C10orf71: variants seen among roughly 807,000 people sequenced by gnomAD.
The protein encoded by C10orf71 is cardiac-enriched FHL2-interacting protein.
For synonymous variants in C10orf71, 758 were observed against 726.3 expected, an observed-to-expected ratio of 1.04 and a Z score of -0.70; for missense variants, 1,869 against 1,804.5, an observed-to-expected ratio of 1.04 and a Z score of -0.65.
At position 49,322,543 on chromosome 10, in the gene C10orf71, C is replaced by A. The variant is rs1290732433; in HGVS notation, c.-3C>A. On this transcript the variant is annotated 5_prime_UTR_variant, in exon 3 of 3. Coordinates refer to ENST00000374144, the MANE Select transcript of C10orf71 (RefSeq NM_001135196.2). Reference sequence around the variant, plus strand: ...ACAAGGACAGCTTTCTTGGAGCCAACAGATGATGCAAGGAAATAAGAAGTG... The same window carrying A: ...ACAAGGACAGCTTTCTTGGAGCCAAAAGATGATGCAAGGAAATAAGAAGTG... 6.3e-7 allele frequency: 1 copy of A among 1,596,362 alleles called. No individual in the cohort carries two copies. Among genetic ancestry groups the A allele is most frequent in the Non-Finnish European group, 8.6e-7 (1 of 1,168,384 alleles).
intron 1 of C10orf71, among the ~76,000 whole-genome samples, chr10:49,311,831 G>A (rs1223930984): frequency 6.6e-6 from 1 of 152,156 alleles, no homozygotes; most frequent in African/African-American, 2.4e-5. Context: ...GAGGGTGTGG[G>A]AGCAGGCAGA....
Position 49,327,163 on chromosome 10 carries a change from C to T in C10orf71, c.*310C>T. On this transcript the variant is annotated 3_prime_UTR_variant, in exon 3 of 3. Coordinates refer to ENST00000374144, the MANE Select transcript of C10orf71 (RefSeq NM_001135196.2). The stretch of plus-strand genomic sequence containing the variant: ...CTCCCTCCCTTCCTCCCTCTCCTGG[C>T]CCACCCTGCTCTTCCCTCGCCCTGC... 1.2e-6 allele frequency: 1 copy of T among 803,636 alleles called. No individual in the cohort carries two copies. Among genetic ancestry groups the T allele is most frequent in the Non-Finnish European group, 1.8e-6 (1 of 558,922 alleles). The allele number at this position is 803,636 out of a possible 1,614,324, so 49.8% of individuals were successfully genotyped here. A position where few individuals can be genotyped will look rare whatever the true frequency, so the allele number is the denominator to read the frequency against.
At chr10:49,302,591 G>A (rs185266083) in intron 1 of C10orf71, among the ~76,000 whole-genome samples, 11 of 152,348 alleles carry the variant, frequency 7.2e-5, no homozygotes, top group Admixed American at 7.2e-4. Context: ...AAGAGGTTAA[G>A]TAACTTGCCC....
chr10:49,325,730 C>G lies in C10orf71; in HGVS notation c.3185C>G (p.Pro1062Arg), dbSNP rs779213214. 77 of 1,551,532 alleles carry G rather than the reference C, an allele frequency of 5.0e-5. No individual in the cohort carries two copies. Among genetic ancestry groups the G allele is most frequent in the Middle Eastern group, 1.7e-4 (1 of 5,992 alleles). The part of the protein sequence containing the change: ...ERANSPNPGS[P>R]GESSACSPAA... Reference sequence around the variant, plus strand: ...GCGAATTCCCCCAACCCCGGCTCCCCCGGGGAGAGCAGTGCCTGCTCCCCT... The same window carrying G: ...GCGAATTCCCCCAACCCCGGCTCCCGCGGGGAGAGCAGTGCCTGCTCCCCT... Residue 1062 changes from proline (P) to arginine (R), a missense_variant, in exon 3 of 3, where the codon CCC becomes CGC. Transcript: ENST00000374144.
At position 49,326,524 on chromosome 10, in the gene C10orf71, G is replaced by A. The variant is rs1423128225; in HGVS notation, c.3979G>A (p.Ala1327Thr). Residue 1327 changes from alanine (A) to threonine (T), a missense_variant, in exon 3 of 3, where the codon GCC (alanine) becomes ACC (threonine). Transcript: ENST00000374144. ...CTCCCCAGAGCCGCCCCCACCGGAC[G>A]CCCTGGCCGCTCCCTATGTGCTGTA... ...GASPEPPPPD[A>T]LAAPYVLYPG... 7 of 1,550,332 alleles carry A rather than the reference G, an allele frequency of 4.5e-6. No individual in the cohort carries two copies. Among genetic ancestry groups the A allele is most frequent in the Middle Eastern group, 1.7e-4 (1 of 5,974 alleles).
At chr10:49,319,707 T>C (rs1407580495) in intron 2 of C10orf71, among the ~76,000 whole-genome samples, 1 of 26,814 alleles carries the variant, frequency 3.7e-5, no homozygotes, top group South Asian at 1.3e-3. Flanking sequence ...TATATATATA[T>C]ATATATATAT....
Position 49,324,862 on chromosome 10 carries a change from G to A in C10orf71, c.2317G>A (p.Val773Met). Residue 773 changes from valine to methionine, a missense_variant, in exon 3 of 3, where the codon GTG becomes ATG. Val to Met is a conservative substitution (Grantham distance 21). Transcript: ENST00000374144. ...GDSQKDEKEN[V>M]MRKDELQYCA... ...CAGTCAGAAGGATGAGAAGGAGAAT[G>A]TGATGCGGAAGGATGAGCTGCAGTA... 1 of 1,551,878 alleles carries A rather than the reference G, an allele frequency of 6.4e-7. No homozygotes were observed. Among genetic ancestry groups the A allele is most frequent in the Non-Finnish European group, 8.7e-7 (1 of 1,146,982 alleles).
chr10:49,302,183 G>C (rs563358676), intron 1 of C10orf71, among the ~76,000 whole-genome samples: 1 of 152,336 alleles, frequency 6.6e-6, no homozygotes, highest in East Asian at 1.9e-4. Flanking sequence ...ACTCCCCACT[G>C]TGTCAGGAGG....
chr10:49,324,870 G>A lies in C10orf71; in HGVS notation c.2325G>A (p.Arg775=). 2.6e-6 allele frequency: 4 copies of A among 1,551,852 alleles called. No homozygotes were observed. The highest frequency in any genetic ancestry group is 3.5e-6 in the Non-Finnish European group (4 of 1,147,002). ...AGGATGAGAAGGAGAATGTGATGCG[G>A]AAGGATGAGCTGCAGTACTGTGCCT... is the stretch of plus-strand genomic sequence containing the variant. ...SQKDEKENVM[R]KDELQYCALS... is the part of the protein sequence containing the mutation. Residue 775 remains arginine (R), a synonymous_variant, in exon 3 of 3, where the codon CGG becomes CGA. Coordinates refer to ENST00000374144, the MANE Select transcript of C10orf71 (RefSeq NM_001135196.2).
chr10:49,300,778 G>A lies in C10orf71; in HGVS notation c.-248+1545G>A, dbSNP rs1258538032. On this transcript the variant is annotated intron_variant, in intron 1 of 2. Transcript: ENST00000374144. The stretch of plus-strand genomic sequence containing the variant: ...AACACACATCTGCCCCTGGGTCTCT[G>A]GGAACAAGTTTGTCTGCTCTTGGAT... Among the ~76,000 whole-genome samples the A allele has an allele frequency of 3.9e-5, 6 of 152,272 alleles. No homozygotes were observed. In the East Asian group the frequency reaches 7.7e-4, roughly 20 times the overall value.
In C10orf71 at chr10:49,324,166, G is replaced by A. The variant is rs762221667; in HGVS notation, c.1621G>A (p.Gly541Ser). Residue 541 changes from glycine to serine, a missense_variant, in exon 3 of 3, where the codon GGT becomes AGT. Coordinates refer to ENST00000374144, the MANE Select transcript of C10orf71 (RefSeq NM_001135196.2). Reference protein sequence around the residue: ...VDGKQEPVSNGVILPNGLEES... With the variant: ...VDGKQEPVSNSVILPNGLEES... ...TGGAAAGCAAGAACCTGTGAGCAACGGTGTCATCCTCCCCAATGGGCTTGA... is the reference window on the plus strand; with the variant it reads ...TGGAAAGCAAGAACCTGTGAGCAACAGTGTCATCCTCCCCAATGGGCTTGA... The A allele has an allele frequency of 2.2e-5, 35 of 1,613,882 alleles. No individual in the cohort carries two copies. Among genetic ancestry groups the A allele is most frequent in the African/African-American group, 8.0e-5 (6 of 75,004 alleles).
intron 2 of C10orf71, among the ~76,000 whole-genome samples, chr10:49,316,563 A>C (rs1474612648): frequency 6.6e-6 from 1 of 152,224 alleles, no homozygotes; most frequent in Non-Finnish European, 1.5e-5. Context: ...CTTCAGCCAC[A>C]AGCAACAGAA....
chr10:49,326,156 C>T lies in C10orf71; in HGVS notation c.3611C>T (p.Ser1204Leu). ...CAGGCTCAGGAGAAGCATGGCGAGTCACAGGAGGGAAAGCCCTGCCCGGAG... is the reference window on the plus strand; with the variant it reads ...CAGGCTCAGGAGAAGCATGGCGAGTTACAGGAGGGAAAGCCCTGCCCGGAG... ...TDQAQEKHGESQEGKPCPEDL... is the reference protein window; with the variant it reads ...TDQAQEKHGELQEGKPCPEDL... Residue 1204 changes from serine (S) to leucine (L), a missense_variant, in exon 3 of 3, where the codon TCA becomes TTA. By Grantham distance (145) the Ser-to-Leu change is moderately radical. Coordinates refer to ENST00000374144, the MANE Select transcript of C10orf71 (RefSeq NM_001135196.2). The T allele has an allele frequency of 6.4e-7, 1 of 1,551,664 alleles. No homozygotes were observed. Among genetic ancestry groups the T allele is most frequent in the East Asian group, 2.4e-5 (1 of 40,896 alleles).
At position 49,325,824 on chromosome 10, in the gene C10orf71, T is replaced by TA; in HGVS notation, c.3281dup (p.Asn1094LysfsTer31). 6.4e-7 allele frequency: 1 copy of TA among 1,551,332 alleles called. No homozygotes were observed. On this transcript the variant is annotated frameshift_variant, in exon 3 of 3. Coordinates refer to ENST00000374144, the MANE Select transcript of C10orf71 (RefSeq NM_001135196.2). LOFTEE classifies it low-confidence loss of function (END_TRUNC). ...GACCAGAGCTGCTTCCCGAGGAGCC[T>TA]AATCAAGCCAGCCCCTGGGCCAGCT...
rs1849207833 is a variant in C10orf71 at position 49,325,413 on chromosome 10, G to T, written c.2868G>T (p.Gly956=). Residue 956 remains glycine, a synonymous_variant, in exon 3 of 3, where the codon GGG becomes GGT. Coordinates refer to ENST00000374144, the MANE Select transcript of C10orf71 (RefSeq NM_001135196.2). ...RMEASQPAPK[G]NFPSMPLVGE... is the part of the protein sequence containing the mutation. ...AGGCCTCTCAGCCAGCCCCAAAGGG[G>T]AATTTCCCATCTATGCCTCTGGTGG... The T allele has an allele frequency of 1.3e-6, 2 of 1,550,144 alleles. No homozygotes were observed. Among genetic ancestry groups the T allele is most frequent in the Non-Finnish European group, 1.7e-6 (2 of 1,145,858 alleles).
intron 1 of C10orf71, among the ~76,000 whole-genome samples, chr10:49,311,930 C>T (rs1241608755): frequency 1.3e-5 from 2 of 152,202 alleles, no homozygotes; most frequent in East Asian, 1.9e-4. Context: ...AAAAGCAGCA[C>T]ATCCCAGTCA....
chr10:49,309,229 G>A (rs906617236), intron 1 of C10orf71, among the ~76,000 whole-genome samples: 5 of 152,280 alleles, frequency 3.3e-5, no homozygotes, highest in African/African-American at 1.2e-4. Context: ...AATTCACTGA[G>A]ATTACCCCAG....
chr10:49,306,619 G>A (rs1227326944), intron 1 of C10orf71, among the ~76,000 whole-genome samples: 1 of 152,254 alleles, frequency 6.6e-6, no homozygotes, highest in Non-Finnish European at 1.5e-5. Context: ...AGCCAGGGGT[G>A]ATTTTGGCCA....
Position 49,324,489 on chromosome 10 carries a change from G to A in C10orf71, c.1944G>A (p.Arg648=), listed in dbSNP as rs747048845. The change falls in exon 3 of 3, where the codon AGG becomes AGA. Residue 648 remains arginine, a synonymous_variant. Coordinates refer to ENST00000374144, the MANE Select transcript of C10orf71 (RefSeq NM_001135196.2). ...GCCCCAGGAAACACCTCTCCCTGAGGCTTTGCAATAGGGATCCTGAGCCTG... is the reference window on the plus strand; with the variant it reads ...GCCCCAGGAAACACCTCTCCCTGAGACTTTGCAATAGGGATCCTGAGCCTG... ...EHRPRKHLSL[R]LCNRDPEPGG... The A allele has an allele frequency of 9.9e-6, 16 of 1,610,254 alleles. No homozygotes were observed.
Sources: gnomAD v4.1 joint callset for allele counts (sites outside exome capture counted in the v4.1 genomes callset) on GRCh38, gnomAD v4.1.1 for gene constraint, MANE v1.5 for transcripts, NCBI Gene and HGNC (gene_info 2026-07-23, HGNC 2026-07-21) for gene names.